Variants in DNM3 observed in about 807,000 individuals in gnomAD.
DNM3 encodes the protein dynamin 3.
A neutral mutation model predicts 101.6 loss-of-function variants in DNM3; 47 were observed. That is an observed-to-expected ratio of 0.46 (90% CI 0.37 to 0.59). The LOEUF (loss-of-function observed/expected upper bound fraction) is 0.59, where lower values mean the gene tolerates loss of function less well. DNM3 is among the 20% of genes least tolerant of loss of function. DNM3 has a pLI of 0.00. For synonymous variants in DNM3, 385 were observed against 387.9 expected (o/e 0.99, Z 0.09); for missense variants, 849 against 1,085.7 (o/e 0.78, Z 3.06).
At chr1:172,279,849 T>C (rs899561912) in intron 15 of DNM3, among the ~76,000 whole-genome samples, 5 of 152,202 alleles carry the variant, frequency 3.3e-5, no homozygotes, top group African/African-American at 1.2e-4. Flanking sequence ...GCTGTTGTCA[T>C]CCTGCAGTTA....
intron 10 of DNM3, among the ~76,000 whole-genome samples, chr1:172,049,735 TA>T (rs1033722315): frequency 3.9e-5 from 6 of 152,144 alleles, no homozygotes; most frequent in African/African-American, 1.4e-4. Flanking sequence ...TCCTTCCCTT[TA>T]TAGATGGTTA....
At chr1:172,035,775 C>G (rs1301200292) in intron 6 of DNM3, among the ~76,000 whole-genome samples, 9 of 152,080 alleles carry the variant, frequency 5.9e-5, no homozygotes, top group Non-Finnish European at 1.3e-4. Flanking sequence ...CCTCTCAGCT[C>G]TTTTGTTGCC....
chr1:172,288,568 T>C (rs2063785198), intron 15 of DNM3, among the ~76,000 whole-genome samples: 1 of 152,100 alleles, frequency 6.6e-6, no homozygotes, highest in African/African-American at 2.4e-5. Context: ...GTTTTTGTAA[T>C]ACAGATAAGA....
Position 172,408,274 on chromosome 1 carries a change from G to A in DNM3, c.*433G>A. The A allele has an allele frequency of 1.0e-6, 1 of 990,902 alleles. No homozygotes were observed. Among genetic ancestry groups the A allele is most frequent in the Non-Finnish European group, 1.2e-6 (1 of 833,198 alleles). 61.4% of individuals were successfully genotyped at this position (990,902 alleles called of 1,614,324 possible). On this transcript the variant is annotated 3_prime_UTR_variant, in exon 21 of 21. Transcript: ENST00000627582. ...TGTTTAGGATGACAGTAATTCTGTT[G>A]TCTACCATTAATGCTACTACCTACT...
At chr1:171,886,324 C>T (rs769496400) in intron 1 of DNM3, among the ~76,000 whole-genome samples, 17 of 152,048 alleles carry the variant, frequency 1.1e-4, no homozygotes, top group Admixed American at 2.0e-4. Flanking sequence ...GTGACTTTAG[C>T]GTTTGTCTAT....
At chr1:172,124,597 G>A (rs1458034627) in intron 13 of DNM3, among the ~76,000 whole-genome samples, 3 of 152,220 alleles carry the variant, frequency 2.0e-5, no homozygotes, top group African/African-American at 7.2e-5. Context: ...CAGCTGGAAA[G>A]CATGTGCTTA....
At chr1:172,082,005 C>A in intron 12 of DNM3, 103 bp downstream of exon 12, 3 of 1,229,950 alleles carry the variant, frequency 2.4e-6, no homozygotes, top group South Asian at 1.3e-5. Flanking sequence ...AGAATACAAT[C>A]TGTGCCAGGA....
At chr1:172,192,001 G>C (rs2059744303) in intron 14 of DNM3, among the ~76,000 whole-genome samples, 2 of 152,114 alleles carry the variant, frequency 1.3e-5, no homozygotes, top group South Asian at 4.2e-4. Flanking sequence ...TCTCCTGCCT[G>C]ATTGCTCTGG....
At chr1:171,856,717 G>A (rs1403730634) in intron 1 of DNM3, among the ~76,000 whole-genome samples, 2 of 151,970 alleles carry the variant, frequency 1.3e-5, no homozygotes, top group African/African-American at 2.4e-5. Flanking sequence ...TTTTGTACAC[G>A]GATTTTTCTA....
At chr1:171,883,907 T>G (rs2125138879) in intron 1 of DNM3, among the ~76,000 whole-genome samples, 1 of 152,350 alleles carries the variant, frequency 6.6e-6, no homozygotes, top group East Asian at 1.9e-4. Flanking sequence ...GTCTGATTTT[T>G]GGGGCCTCTC....
intron 2 of DNM3, chr1:171,987,161 C>A: frequency 3.4e-6 from 1 of 291,346 alleles, no homozygotes; most frequent in Non-Finnish European, 5.1e-6. Context: ...TGTTTTTAAG[C>A]TAAAGGATTC....
intron 14 of DNM3, among the ~76,000 whole-genome samples, chr1:172,234,495 G>A (rs551140910): frequency 1.2e-4 from 18 of 152,136 alleles, no homozygotes; most frequent in African/African-American, 2.4e-4. Flanking sequence ...TCCCCATCAA[G>A]CTACCAATGA....
chr1:172,082,037 T>A, intron 12 of DNM3, 135 bp downstream of exon 12: 1 of 910,102 alleles, frequency 1.1e-6, no homozygotes, highest in Admixed American at 2.4e-5. Context: ...TGTGCCTACT[T>A]AGGAAGTCTG....
chr1:172,092,777 A>G, intron 12 of DNM3, 47 bp from the exon 13 acceptor site: 1 of 1,518,652 alleles, frequency 6.6e-7, no homozygotes, highest in East Asian at 2.5e-5. Context: ...TGTTTAGGAA[A>G]AAATTATATG....
At chr1:172,208,446 AC>A (rs1296007528) in intron 14 of DNM3, among the ~76,000 whole-genome samples, 1 of 152,024 alleles carries the variant, frequency 6.6e-6, no homozygotes, top group Non-Finnish European at 1.5e-5. Context: ...AAGCAGGTTT[AC>A]CCTCCATAAT....
chr1:172,147,501 C>T (rs2057958010), intron 14 of DNM3, among the ~76,000 whole-genome samples: 1 of 152,046 alleles, frequency 6.6e-6, no homozygotes, highest in Admixed American at 6.6e-5. Context: ...ACAAAATTTG[C>T]TCTATTATAA....
chr1:171,945,394 C>G (rs2042109610), intron 2 of DNM3, among the ~76,000 whole-genome samples: 2 of 152,030 alleles, frequency 1.3e-5, no homozygotes, highest in Non-Finnish European at 2.9e-5. Context: ...AGTGTTAAAT[C>G]CAGTAAGATG....
chr1:172,213,454 A>G (rs762316622), intron 14 of DNM3, among the ~76,000 whole-genome samples: 33 of 140,024 alleles, frequency 2.4e-4, no homozygotes, highest in Admixed American at 7.1e-4. Flanking sequence ...TGTGATGTAT[A>G]TTTCTGGATA....
chr1:172,409,080 G>A lies in DNM3; in HGVS notation c.*1239G>A. On this transcript the variant is annotated 3_prime_UTR_variant, in exon 21 of 21. Transcript: ENST00000627582. ...ATTTACCAGAACAGTTTAGCCTGGGGGTTAATAGTTAAGTCTTGAGGCTAA... is the reference window on the plus strand; with the variant it reads ...ATTTACCAGAACAGTTTAGCCTGGGAGTTAATAGTTAAGTCTTGAGGCTAA... 9 of 985,288 alleles carry A rather than the reference G, an allele frequency of 9.1e-6. No homozygotes were observed. Among genetic ancestry groups the A allele is most frequent in the Non-Finnish European group, 1.1e-5 (9 of 829,872 alleles). The allele number at this position is 985,288 out of a possible 1,614,324, so 61.0% of individuals were successfully genotyped here. A position where few individuals can be genotyped will look rare whatever the true frequency, so the allele number is the denominator to read the frequency against.
Sources: gnomAD v4.1 joint callset for allele counts (sites outside exome capture counted in the v4.1 genomes callset) on GRCh38, gnomAD v4.1.1 for gene constraint, MANE v1.5 for transcripts, NCBI Gene and HGNC (gene_info 2026-07-23, HGNC 2026-07-21) for gene names.